The following ATR variants were observed in gnomAD, a reference collection of about 807,000 sequenced individuals.
ATR encodes the protein serine/threonine-protein kinase ATR.
ATR carries 142 observed loss-of-function variants against 305.3 expected under a neutral mutation model. The ratio of observed to expected loss-of-function variants is 0.47; its 90% CI spans 0.41 to 0.53. The LOEUF is 0.53. Ranked by LOEUF, ATR falls within the 20% of genes least tolerant of loss-of-function variation. The pLI, the probability that ATR is intolerant of heterozygous loss-of-function variation, is 0.00. For synonymous variants in ATR, 1,050 were observed against 1,068.1 expected (o/e 0.98, Z 0.33); for missense variants, 2,135 against 3,133.1 (o/e 0.68, Z 7.60).
rs150214353 is a variant in ATR, at chr3:142,475,606, T to C, written c.6222-5423A>G. ...AGCATGATTTATATTCCTTTGGGTA[T>C]ATACCCAGTAATGGGATGGCTAGGT... On this transcript the variant is annotated intron_variant, in intron 36 of 46. Coordinates refer to ENST00000350721, the MANE Select transcript of ATR (RefSeq NM_001184.4). 8.9e-3 allele frequency among the ~76,000 whole-genome samples: 1,352 copies of C among 152,356 alleles called. 20 individuals carry two copies. Among genetic ancestry groups the C allele is most frequent in the African/African-American group, 0.031 (1,279 of 41,572 alleles).
intron 8 of ATR, 34 bp from the exon 9 acceptor site, chr3:142,556,609 A>C: frequency 6.3e-7 from 1 of 1,593,484 alleles, no homozygotes; most frequent in Non-Finnish European, 8.6e-7. Flanking sequence ...CAAGATTTCT[A>C]CTAATGTTAA....
intron 40 of ATR, among the ~76,000 whole-genome samples, chr3:142,465,968 T>C (rs534927919): frequency 6.7e-6 from 1 of 149,438 alleles, no homozygotes; most frequent in East Asian, 2.0e-4. Flanking sequence ...ATCGCACCAC[T>C]GTATTCCACC....
intron 3 of ATR, among the ~76,000 whole-genome samples, chr3:142,564,423 A>G (rs1372251826): frequency 1.3e-5 from 2 of 152,202 alleles, no homozygotes; most frequent in Non-Finnish European, 2.9e-5. Flanking sequence ...TATCTATGTT[A>G]TGGGTTACTG....
intron 20 of ATR, 64 bp from the exon 21 acceptor site, chr3:142,535,269 G>A (rs1220372546): frequency 6.3e-7 from 1 of 1,590,154 alleles, no homozygotes; most frequent in Non-Finnish European, 8.6e-7. Flanking sequence ...ATTTCCAAAG[G>A]CCTGAATTCT....
intron 41 of ATR, among the ~76,000 whole-genome samples, chr3:142,463,542 G>A (rs1203690896): frequency 2.6e-5 from 4 of 151,982 alleles, no homozygotes; most frequent in South Asian, 2.1e-4. Flanking sequence ...GAATACTGGC[G>A]TACACCACCA....
chr3:142,553,937 C>A lies in ATR; in HGVS notation c.2420G>T (p.Gly807Val), dbSNP rs2108465688. ...EDETDVKAVL[G>V]TLLNLMEDPD... ...ATCTTCCATTAAATTTAATAAAGTT[C>A]CAAGAACTGCTTTTACATCTGTTTC... The change falls in exon 11 of 47, where the codon GGA becomes GTA. Residue 807 changes from glycine to valine, a missense_variant. By Grantham distance (109) the Gly-to-Val change is moderately radical. Coordinates refer to ENST00000350721, the MANE Select transcript of ATR (RefSeq NM_001184.4). 6.2e-7 allele frequency: 1 copy of A among 1,611,430 alleles called. No homozygotes were observed. Among genetic ancestry groups the A allele is most frequent in the South Asian group, 1.1e-5 (1 of 90,466 alleles).
At chr3:142,482,656 AC>A (rs2030590785) in intron 36 of ATR, among the ~76,000 whole-genome samples, 1 of 152,000 alleles carries the variant, frequency 6.6e-6, no homozygotes, top group Non-Finnish European at 1.5e-5. Flanking sequence ...ACATAGTGAG[AC>A]CCTGTCTCTA....
intron 35 of ATR, among the ~76,000 whole-genome samples, chr3:142,490,643 G>A (rs886477364): frequency 1.3e-5 from 2 of 152,020 alleles, no homozygotes; most frequent in African/African-American, 4.8e-5. Flanking sequence ...TAGCTTTTCA[G>A]TTTAGATCTA....
chr3:142,504,798 C>G (rs370285560), intron 29 of ATR, among the ~76,000 whole-genome samples: 7 of 152,172 alleles, frequency 4.6e-5, no homozygotes, highest in Non-Finnish European at 1.0e-4. Flanking sequence ...AGTAAAGTCT[C>G]TAATTTTATC....
chr3:142,465,301 A>C, intron 40 of ATR, 61 bp from the exon 41 acceptor site: 1 of 1,320,898 alleles, frequency 7.6e-7, no homozygotes, highest in Non-Finnish European at 1.1e-6. Flanking sequence ...ATGTCTATAT[A>C]TTATAAACCT....
intron 21 of ATR, among the ~76,000 whole-genome samples, chr3:142,524,912 G>A (rs1028516529): frequency 6.6e-6 from 1 of 152,136 alleles, no homozygotes; most frequent in Admixed American, 6.6e-5. Context: ...TCACTTTAAA[G>A]CTACTTCATT....
intron 27 of ATR, among the ~76,000 whole-genome samples, chr3:142,511,888 T>C (rs1234826917): frequency 6.6e-5 from 10 of 151,874 alleles, no homozygotes; most frequent in Non-Finnish European, 1.2e-4. Context: ...CCAAGGCAGA[T>C]AGATCACCTG....
Position 142,498,582 on chromosome 3 carries a change from G to A in ATR, c.5558+15C>T, listed in dbSNP as rs760506835. The A allele has an allele frequency of 3.1e-6, 5 of 1,611,436 alleles. No individual in the cohort carries two copies. The highest frequency in any genetic ancestry group is 2.5e-6 in the Non-Finnish European group (3 of 1,179,396). On this transcript the variant is annotated intron_variant, in intron 32 of 46. Coordinates refer to ENST00000350721, the MANE Select transcript of ATR (RefSeq NM_001184.4). ...TTTATAGGCCAGAAATATAAAAATG[G>A]AAATTCCAAAATACCTCACAATATA...
At chr3:142,540,633 TA>T (rs2034016608) in intron 18 of ATR, among the ~76,000 whole-genome samples, 1 of 151,916 alleles carries the variant, frequency 6.6e-6, no homozygotes, top group African/African-American at 2.4e-5. Flanking sequence ...AGAAGTGGAT[TA>T]AAAAAAACTA....
At position 142,560,323 on chromosome 3, in the gene ATR, G is replaced by A. The variant is rs759571899; in HGVS notation, c.1481C>T (p.Ala494Val). 1 of 1,613,906 alleles carries A rather than the reference G, an allele frequency of 6.2e-7. No individual in the cohort carries two copies. Among genetic ancestry groups the A allele is most frequent in the Non-Finnish European group, 8.5e-7 (1 of 1,179,884 alleles). ...NPVIEMLEGI[A>V]VVLQLTALCT... is the part of the protein sequence containing the mutation. ...CAGAGCAGTCAGTTGTAAGACAACA[G>A]CAATTCCTTCTAACATCTCAATAAC... is the stretch of plus-strand genomic sequence containing the variant. Residue 494 changes from alanine to valine, a missense_variant, in exon 6 of 47, where the codon GCT becomes GTT. Coordinates refer to ENST00000350721, the MANE Select transcript of ATR (RefSeq NM_001184.4).
chr3:142,457,795 G>C lies in ATR; in HGVS notation c.7504-40C>G, dbSNP rs773579853. On this transcript the variant is annotated intron_variant, in intron 44 of 46. Transcript: ENST00000350721. ...ATTTTATTACAAACTAACAATGTTA[G>C]AATTTAAAAATCTTTACTCAAAGAA... 2.5e-6 allele frequency: 4 copies of C among 1,604,340 alleles called. No homozygotes were observed. In the South Asian group the frequency reaches 3.3e-5, roughly 13 times the overall value.
In ATR at chr3:142,558,733, A is replaced by T. The variant is rs2227930; in HGVS notation, c.1776T>A (p.Gly592=). ...AATAAATCCATGGAAGTGAGAGCAT[A>T]CCACATAAATCTTCCAGGATATGAT... ...FEDHILEDLC[G]MLSLPWIYSH... is the part of the protein sequence containing the mutation. Residue 592 remains glycine (G), a synonymous_variant, in exon 8 of 47, where the codon GGT becomes GGA. Transcript: ENST00000350721. 0.58 allele frequency: 928,300 copies of T among 1,609,390 alleles called. 272,130 individuals carry two copies. Among genetic ancestry groups the T allele is most frequent in the African/African-American group, 0.8 (59,766 of 74,810 alleles).
intron 46 of ATR, chr3:142,450,531 A>G: frequency 6.2e-7 from 1 of 1,606,334 alleles, no homozygotes; most frequent in South Asian, 1.1e-5. Context: ...ATATCCAGAA[A>G]ATCAGATCAA....
At chr3:142,453,311 G>C in intron 45 of ATR, 78 bp from the exon 46 acceptor site, 1 of 1,485,696 alleles carries the variant, frequency 6.7e-7, no homozygotes, top group Non-Finnish European at 9.3e-7. Context: ...TTTAAGTGAA[G>C]GATGAGAAGC....
Sources: allele counts gnomAD v4.1 joint callset (sites outside exome capture counted in the v4.1 genomes callset), GRCh38; gene constraint gnomAD v4.1.1; transcripts MANE v1.5; gene names NCBI Gene and HGNC (gene_info 2026-07-23, HGNC 2026-07-21).